EVC: variants seen among roughly 807,000 people sequenced by gnomAD.
The protein encoded by EVC is EvC ciliary complex subunit 1.
In EVC, 116 loss-of-function variants were observed where a neutral mutation model predicts 118.9. The ratio of observed to expected loss-of-function variants is 0.98; its 90% confidence interval spans 0.84 to 1.14. EVC has a LOEUF of 1.14. Ranked by LOEUF, EVC falls within the 50% of genes most tolerant of loss-of-function variation. The probability of loss-of-function intolerance (pLI) is 0.00; values close to 1 mark genes in which losing one functional copy is unlikely to be tolerated. For missense variants in EVC, 1,401 were observed against 1,246.4 expected (o/e 1.12, Z -1.87); for synonymous variants, 619 against 534.7 (o/e 1.16, Z -2.18).
At chr4:5,822,990 A>T in the EVC span, among the ~76,000 whole-genome samples, 1 of 152,108 alleles carries the variant, frequency 6.6e-6, no homozygotes, top group African/African-American at 2.4e-5. Context: ...GTACCCTTTC[A>T]TACTTTTTCT....
Position 5,742,325 on chromosome 4 carries a change from A to G in EVC, c.801+511A>G, listed in dbSNP as rs543411938. Among the ~76,000 whole-genome samples the G allele has an allele frequency of 1.8e-4, 28 of 152,288 alleles. No homozygotes were observed. The highest frequency in any genetic ancestry group is 4.8e-4 in the African/African-American group (20 of 41,568). On this transcript the variant is annotated intron_variant, in intron 6 of 20. Coordinates refer to ENST00000264956, the MANE Select transcript of EVC (RefSeq NM_153717.3). The surrounding 1 kb of genome is among the most constrained non-coding windows in gnomAD (Gnocchi z 5.2). Reference sequence around the variant, plus strand: ...GTTCTGCGAGAGTGCAGAAAGGATAAGAGAGATGTGTATGATACACCTAGC... The same window carrying G: ...GTTCTGCGAGAGTGCAGAAAGGATAGGAGAGATGTGTATGATACACCTAGC...
At chr4:5,810,565 TGAAGGTTCAA>T (rs1350118218) in intron 20 of EVC, 115 bp downstream of exon 20, 1 of 801,776 alleles carries the variant, frequency 1.2e-6, no homozygotes, top group African/African-American at 1.7e-5. Context: ...GCATTAAATG[TGAAGGTTCAA>T]GAAATGACAG....
chr4:5,740,470 CAAAAAAAAAAAAAAAAA>C (rs1728356831), intron 5 of EVC, among the ~76,000 whole-genome samples: 1 of 105,578 alleles, frequency 9.5e-6, no homozygotes, highest in African/African-American at 3.3e-5. Flanking sequence ...TACTCCATCT[CAAAAAAAAAAAAAAAAA>C]GAAAAAGAAA....
In EVC at chr4:5,755,243, C is replaced by A. The variant is rs1376535947; in HGVS notation, c.1465-1021C>A. Among the ~76,000 whole-genome samples, 2 of 152,132 alleles carry A rather than the reference C, an allele frequency of 1.3e-5. No homozygotes were observed. The highest frequency in any genetic ancestry group is 2.9e-5 in the Non-Finnish European group (2 of 68,030). ...GGCCCCTGTCCTTGATGTCACAGAG[C>A]CCAGTGTGAGTCCAGAGTGTGGAGA... On this transcript the variant is annotated intron_variant, in intron 10 of 20. Transcript: ENST00000264956. The surrounding 1 kb of genome is among the most constrained non-coding windows in gnomAD (Gnocchi z 4.1).
intron 12 of EVC, among the ~76,000 whole-genome samples, chr4:5,793,057 A>G (rs1042985897): frequency 2.0e-5 from 3 of 152,196 alleles, no homozygotes; most frequent in Admixed American, 6.5e-5. Flanking sequence ...TAAAAGTCAT[A>G]TGAAAGGAAA....
downstream of EVC, among the ~76,000 whole-genome samples, chr4:5,816,295 T>C (rs375167197): frequency 3.4e-4 from 51 of 152,224 alleles, no homozygotes; most frequent in African/African-American, 1.2e-3. Flanking sequence ...CATGTACCTC[T>C]TGGGTCCCCA....
chr4:5,767,055 A>T (rs1425545839), intron 11 of EVC, among the ~76,000 whole-genome samples: 1 of 148,848 alleles, frequency 6.7e-6, no homozygotes, highest in Non-Finnish European at 1.5e-5. Flanking sequence ...GACTTTGACG[A>T]TGGTGATGTA....
At chr4:5,729,191 A>G (rs1223215578) in intron 2 of EVC, 116 bp from the exon 3 acceptor site, 1 of 904,876 alleles carries the variant, frequency 1.1e-6, no homozygotes, top group East Asian at 2.4e-5. Context: ...TGTGCCTATC[A>G]TGGTCCCTTT....
chr4:5,782,536 G>GAAA (rs71171483), intron 11 of EVC, among the ~76,000 whole-genome samples: 23 of 45,732 alleles, frequency 5.0e-4, no homozygotes, highest in African/African-American at 8.4e-4. Flanking sequence ...TGTTTTAAAT[G>GAAA]AAAAAAAAAA....
intron 5 of EVC, among the ~76,000 whole-genome samples, chr4:5,740,470 C>CAAAAA (rs59318619): frequency 1.9e-5 from 2 of 105,576 alleles, no homozygotes; most frequent in African/African-American, 3.3e-5. Context: ...TACTCCATCT[C>CAAAAA]AAAAAAAAAA....
chr4:5,744,276 C>T (rs1457930885), intron 6 of EVC, among the ~76,000 whole-genome samples: 1 of 152,186 alleles, frequency 6.6e-6, no homozygotes, highest in Non-Finnish European at 1.5e-5. Flanking sequence ...GTCATAATTT[C>T]TCTTTCACAG....
chr4:5,828,876 G>A, the EVC span, among the ~76,000 whole-genome samples: 17 of 152,176 alleles, frequency 1.1e-4, no homozygotes, highest in South Asian at 3.1e-3. Flanking sequence ...GTAGGCTGCC[G>A]GTGGCTTTCT....
chr4:5,783,694 T>C lies in EVC; in HGVS notation c.1706T>C (p.Leu569Pro), dbSNP rs1735988655. 1 of 1,614,038 alleles carries C rather than the reference T, an allele frequency of 6.2e-7. No individual in the cohort carries two copies. The highest frequency in any genetic ancestry group is 8.5e-7 in the Non-Finnish European group (1 of 1,179,930). Residue 569 changes from leucine (L) to proline (P), a missense_variant, in exon 12 of 21, where the codon CTG (leucine) becomes CCG (proline). Leu to Pro is a moderately conservative substitution (Grantham distance 98). Coordinates refer to ENST00000264956, the MANE Select transcript of EVC (RefSeq NM_153717.3). ...GTCCAGGAGAACGCTGCCTGGCAGC[T>C]GGGGAAGTCAAATCGCTTCCGGAGG... ...QEVQENAAWQ[L>P]GKSNRFRRQQ...
intron 11 of EVC, among the ~76,000 whole-genome samples, chr4:5,779,003 G>C (rs1382543103): frequency 2.6e-5 from 4 of 152,122 alleles, no homozygotes; most frequent in Non-Finnish European, 5.9e-5. Flanking sequence ...AATCCATCTT[G>C]AATTGATTTT....
chr4:5,760,015 C>G (rs1731765140), intron 11 of EVC, among the ~76,000 whole-genome samples: 2 of 152,094 alleles, frequency 1.3e-5, no homozygotes, highest in Admixed American at 1.3e-4. Flanking sequence ...TTCCAAATCA[C>G]AGGTAGGCAA....
chr4:5,825,662 A>G, the EVC span: 87 of 1,612,428 alleles, frequency 5.4e-5, no homozygotes, highest in Non-Finnish European at 7.1e-5. The surrounding 1 kb of genome is among the most constrained non-coding windows in gnomAD (Gnocchi z 4.4). Flanking sequence ...CCAAAAACCT[A>G]AACAGAGGAA....
chr4:5,794,791 T>C (rs775726714), intron 13 of EVC, among the ~76,000 whole-genome samples: 1 of 152,130 alleles, frequency 6.6e-6, no homozygotes, highest in Non-Finnish European at 1.5e-5. Flanking sequence ...CATGTGCAGG[T>C]TTGTTACAAA....
intron 12 of EVC, among the ~76,000 whole-genome samples, chr4:5,787,351 A>T (rs138167305): frequency 6.6e-6 from 1 of 152,344 alleles, no homozygotes; most frequent in East Asian, 1.9e-4. Flanking sequence ...AAGGATCGTG[A>T]GATGGGGATA....
In EVC at chr4:5,813,482, T is replaced by A. The variant is rs1717224119; in HGVS notation, c.*2445T>A. ...CTCGGCCTCCCCAAAGTGCTGAGAT[T>A]AGGCGTTAGCCACCGCGCCCGGCCA... On this transcript the variant is annotated 3_prime_UTR_variant, in exon 21 of 21. Transcript: ENST00000264956. 1.3e-5 allele frequency: 2 copies of A among 152,188 alleles called. No individual in the cohort carries two copies. The highest frequency in any genetic ancestry group is 2.9e-5 in the Non-Finnish European group (2 of 68,046). The allele number at this position is 152,188 out of a possible 1,614,324, so 9.4% of individuals were successfully genotyped here. A position where few individuals can be genotyped will look rare whatever the true frequency, so the allele number is the denominator to read the frequency against.
Sources: allele counts gnomAD v4.1 joint callset (sites outside exome capture counted in the v4.1 genomes callset), GRCh38; gene constraint gnomAD v4.1.1; non-coding constraint Gnocchi (gnomAD v3.1); transcripts MANE v1.5; gene names NCBI Gene and HGNC (gene_info 2026-07-23, HGNC 2026-07-21).